Variants in ZNF565 observed in about 807,000 individuals in gnomAD.
The protein encoded by ZNF565 is zinc finger protein 565.
In ZNF565, 27 loss-of-function variants were observed where a neutral mutation model predicts 39.4. The ratio of observed to expected loss-of-function variants is 0.69; its 90% confidence interval spans 0.51 to 0.95. The LOEUF (loss-of-function observed/expected upper bound fraction) is 0.95. Among genes scored for constraint, ZNF565 ranks in the 40% least tolerant of loss-of-function variants. The pLI is 0.00. For missense variants in ZNF565, 524 were observed against 621.1 expected, an observed-to-expected ratio of 0.84 and a Z score of 1.66; for synonymous variants, 185 against 216.6, an observed-to-expected ratio of 0.85 and a Z score of 1.28.
Position 36,236,189 on chromosome 19 carries a change from A to G in ZNF565, c.55+9287T>C, listed in dbSNP as rs1212782590. ...GAGAAGCAGAAAATTCATGCTGGAGAGAAACTAGTGAAGGTAGCAATACTT... is the reference window on the plus strand; with the variant it reads ...GAGAAGCAGAAAATTCATGCTGGAGGGAAACTAGTGAAGGTAGCAATACTT... On this transcript the variant is annotated intron_variant, in intron 1 of 4. Transcript: ENST00000355114. The G allele has an allele frequency of 1.2e-5, 5 of 404,648 alleles. No homozygotes were observed. The Admixed American group carries it at 1.2e-4, about 10-fold the overall frequency. 25.1% of individuals were successfully genotyped at this position (404,648 alleles called of 1,614,324 possible). A position where few individuals can be genotyped will look rare whatever the true frequency, so the allele number is the denominator to read the frequency against.
intron 1 of ZNF565, among the ~76,000 whole-genome samples, chr19:36,209,685 T>C (rs1976283149): frequency 6.6e-6 from 1 of 151,920 alleles, no homozygotes. Flanking sequence ...CAAAATAAAA[T>C]ACAAACAGTA....
At chr19:36,227,284 G>T (rs1568432526) in intron 1 of ZNF565, among the ~76,000 whole-genome samples, 1 of 151,418 alleles carries the variant, frequency 6.6e-6, no homozygotes, top group Admixed American at 6.6e-5. Context: ...AGCTACTCGG[G>T]AGGCTGAGGC....
intron 1 of ZNF565, among the ~76,000 whole-genome samples, chr19:36,210,578 TG>T (rs1261544572): frequency 6.6e-6 from 1 of 152,034 alleles, no homozygotes; most frequent in Non-Finnish European, 1.5e-5. Context: ...CTAGAAGCAA[TG>T]ACATCTCAGA....
intron 4 of ZNF565, among the ~76,000 whole-genome samples, chr19:36,185,073 G>A (rs1446655371): frequency 6.6e-6 from 1 of 151,594 alleles, no homozygotes; most frequent in Non-Finnish European, 1.5e-5. Context: ...AGCCAAGATG[G>A]CACTACTGCA....
intron 1 of ZNF565, among the ~76,000 whole-genome samples, chr19:36,222,760 G>A (rs2432048): frequency 0.64 from 89,895 of 140,134 alleles, 28,779 homozygotes; most frequent in Middle Eastern, 0.73. Flanking sequence ...GGTTAGCCCT[G>A]TATGAAATGA....
At chr19:36,221,608 A>G (rs928095238) in intron 1 of ZNF565, among the ~76,000 whole-genome samples, 9 of 152,170 alleles carry the variant, frequency 5.9e-5, no homozygotes, top group Admixed American at 1.3e-4. Context: ...TTTTTAAAAA[A>G]TGAATTTGAT....
chr19:36,183,013 T>C lies in ZNF565; in HGVS notation c.953A>G (p.Gln318Arg). The change falls in exon 5 of 5, where the codon CAG (glutamine) becomes CGG (arginine). Residue 318 changes from glutamine to arginine, a missense_variant. Transcript: ENST00000304116. ...CTGGTGTACAGTCAGCTGTGAGTGCTGTCTAAAGGCTTTCCCGCATTCTTT... is the reference window on the plus strand; with the variant it reads ...CTGGTGTACAGTCAGCTGTGAGTGCCGTCTAAAGGCTTTCCCGCATTCTTT... ...ECKECGKAFR[Q>R]HSQLTVHQRI... 1 of 1,614,196 alleles carries C rather than the reference T, an allele frequency of 6.2e-7. No homozygotes were observed. Among genetic ancestry groups the C allele is most frequent in the Non-Finnish European group, 8.5e-7 (1 of 1,180,032 alleles).
At chr19:36,189,008 G>A (rs1975425586) in intron 4 of ZNF565, among the ~76,000 whole-genome samples, 1 of 152,204 alleles carries the variant, frequency 6.6e-6, no homozygotes, top group South Asian at 2.1e-4. Flanking sequence ...GAACAGAGGT[G>A]ACCAGGGACT....
chr19:36,187,678 C>T (rs1441417446), intron 4 of ZNF565, among the ~76,000 whole-genome samples: 3 of 148,174 alleles, frequency 2.0e-5, no homozygotes, highest in African/African-American at 7.5e-5. Context: ...TGCTCTGTCG[C>T]CTAGGCTGGA....
At chr19:36,219,392 CTG>C (rs1976745727), upstream of ZNF565, among the ~76,000 whole-genome samples, 1 of 152,032 alleles carries the variant, frequency 6.6e-6, no homozygotes, top group Non-Finnish European at 1.5e-5. Context: ...AGTTAGATTT[CTG>C]TGTTTGAGTT....
chr19:36,202,259 T>G (rs1344132579), intron 1 of ZNF565, among the ~76,000 whole-genome samples: 2 of 151,902 alleles, frequency 1.3e-5, no homozygotes, highest in Non-Finnish European at 2.9e-5. Flanking sequence ...CCCAGCACCT[T>G]GGGAGGCTGA....
intron 2 of ZNF565, among the ~76,000 whole-genome samples, chr19:36,196,429 T>C (rs1975763385): frequency 6.6e-6 from 1 of 152,142 alleles, no homozygotes; most frequent in Non-Finnish European, 1.5e-5. Flanking sequence ...TAATGAAGCA[T>C]GACAGAATCT....
intron 2 of ZNF565, among the ~76,000 whole-genome samples, chr19:36,200,501 T>C (rs1975917596): frequency 6.6e-6 from 1 of 151,790 alleles, no homozygotes; most frequent in South Asian, 2.1e-4. Flanking sequence ...GATTTTTTTT[T>C]TTTTTGAGAT....
At chr19:36,243,498 A>T (rs1438192481) in intron 1 of ZNF565, among the ~76,000 whole-genome samples, 1 of 152,216 alleles carries the variant, frequency 6.6e-6, no homozygotes, top group Non-Finnish European at 1.5e-5. Flanking sequence ...TAGCAGGCAG[A>T]TGTGAAGGGA....
intron 4 of ZNF565, among the ~76,000 whole-genome samples, chr19:36,185,665 CT>C (rs1372319193): frequency 6.6e-6 from 1 of 151,124 alleles, no homozygotes; most frequent in African/African-American, 2.4e-5. Context: ...CTGTCCTGGG[CT>C]TTTTGCTGCT....
At chr19:36,189,367 C>T (rs1442824444) in intron 4 of ZNF565, among the ~76,000 whole-genome samples, 2 of 150,944 alleles carry the variant, frequency 1.3e-5, no homozygotes, top group Non-Finnish European at 2.9e-5. Flanking sequence ...AGGCTGGGAG[C>T]GCAGTGGTGT....
At chr19:36,242,408 CAAA>C (rs1024283369) in intron 1 of ZNF565, among the ~76,000 whole-genome samples, 33 of 149,216 alleles carry the variant, frequency 2.2e-4, no homozygotes, top group Admixed American at 2.1e-3. Flanking sequence ...GACTCCATTT[CAAA>C]AAAAATAAAG....
rs1204867726 is a variant in ZNF565 at position 36,182,601 on chromosome 19, G to A, written c.1365C>T (p.Ala455=). Residue 455 remains alanine, a synonymous_variant, in exon 5 of 5, where the codon GCC becomes GCT. Transcript: ENST00000304116. ...KPYECRECGM[A]FIRSSQLTEH... Reference sequence around the variant, plus strand: ...CGGTAAGTTGTGAACTACGAATAAAGGCCATTCCACACTCCCTGCATTCAT... The same window carrying A: ...CGGTAAGTTGTGAACTACGAATAAAAGCCATTCCACACTCCCTGCATTCAT... 3 of 1,613,996 alleles carry A rather than the reference G, an allele frequency of 1.9e-6. No individual in the cohort carries two copies. The highest frequency in any genetic ancestry group is 2.5e-6 in the Non-Finnish European group (3 of 1,180,010).
intron 2 of ZNF565, among the ~76,000 whole-genome samples, chr19:36,197,991 T>C (rs570738279): frequency 1.3e-5 from 2 of 151,752 alleles, no homozygotes; most frequent in East Asian, 1.9e-4. Context: ...CTACTAAAAA[T>C]ACAAAAAATT....
Sources: gnomAD v4.1 joint callset for allele counts (sites outside exome capture counted in the v4.1 genomes callset) on GRCh38, gnomAD v4.1.1 for gene constraint, MANE v1.5 for transcripts, NCBI Gene and HGNC (gene_info 2026-07-23, HGNC 2026-07-21) for gene names.